Variants in SENP2 observed in about 807,000 individuals in gnomAD.
The protein encoded by SENP2 is sentrin-specific protease 2.
SENP2 carries 16 observed loss-of-function variants against 86.3 expected under a neutral mutation model. That is an observed-to-expected ratio of 0.19 (90% CI 0.13 to 0.28). The LOEUF is 0.28. Ranked by LOEUF, SENP2 falls within the 10% of genes least tolerant of loss-of-function variation. The pLI is 1.00. For missense variants in SENP2, 552 were observed against 703.0 expected, an observed-to-expected ratio of 0.79 and a Z score of 2.43; for synonymous variants, 222 against 238.7, an observed-to-expected ratio of 0.93 and a Z score of 0.64.
chr3:185,586,521 C>T lies in SENP2; in HGVS notation c.101+7C>T. ...AGAGGCGGCGCTCAGACAGGTGAGA[C>T]GAGAGGGGGCTGAGCGCCAGCCTGG... On this transcript the variant is annotated splice_region_variant and intron_variant, in intron 1 of 16. Coordinates refer to ENST00000296257, the MANE Select transcript of SENP2 (RefSeq NM_021627.3). This position sits in a 1 kb window ranked among gnomAD's most constrained non-coding sequence, Gnocchi z 4.3. The T allele has an allele frequency of 6.2e-7, 1 of 1,610,714 alleles. No individual in the cohort carries two copies. The highest frequency in any genetic ancestry group is 8.5e-7 in the Non-Finnish European group (1 of 1,178,864).
At chr3:185,603,117 G>A (rs1245773851) in intron 5 of SENP2, among the ~76,000 whole-genome samples, 1 of 151,788 alleles carries the variant, frequency 6.6e-6, no homozygotes, top group African/African-American at 2.4e-5. Flanking sequence ...TCACTATGTT[G>A]GCCAGGCTGG....
At chr3:185,592,702 C>T (rs746831917) in intron 2 of SENP2, among the ~76,000 whole-genome samples, 8 of 151,714 alleles carry the variant, frequency 5.3e-5, no homozygotes, top group East Asian at 3.9e-4. Context: ...CTGCAACCTC[C>T]GCCTCCCAGG....
At chr3:185,626,993 T>C (rs1712175971) in intron 16 of SENP2, among the ~76,000 whole-genome samples, 1 of 147,964 alleles carries the variant, frequency 6.8e-6, no homozygotes, top group Non-Finnish European at 1.5e-5. Context: ...GCAGGAGAAT[T>C]GCTTGAACCC....
chr3:185,619,515 G>A lies in SENP2; in HGVS notation c.1446+13G>A, dbSNP rs1711758161. 6.2e-7 allele frequency: 1 copy of A among 1,607,202 alleles called. No homozygotes were observed. The highest frequency in any genetic ancestry group is 8.5e-7 in the Non-Finnish European group (1 of 1,174,610). On this transcript the variant is annotated intron_variant, in intron 13 of 16. Coordinates refer to ENST00000296257, the MANE Select transcript of SENP2 (RefSeq NM_021627.3). Reference sequence around the variant, plus strand: ...TTGGAGCCTGGTGGTGAGTAGAGAGGGTTAATGGTTAATTGTTGGACTTGG... The same window carrying A: ...TTGGAGCCTGGTGGTGAGTAGAGAGAGTTAATGGTTAATTGTTGGACTTGG...
At position 185,624,051 on chromosome 3, in the gene SENP2, T is replaced by G; in HGVS notation, c.1580T>G (p.Leu527Ter). 1 of 1,613,086 alleles carries G rather than the reference T, an allele frequency of 6.2e-7. No homozygotes were observed. Among genetic ancestry groups the G allele is most frequent in the Non-Finnish European group, 8.5e-7 (1 of 1,179,514 alleles). Residue 527 changes from leucine to a stop codon, truncating the protein, a stop_gained, in exon 15 of 17, where the codon TTA (leucine) becomes TGA (stop). Coordinates refer to ENST00000296257, the MANE Select transcript of SENP2 (RefSeq NM_021627.3). LOFTEE classifies it high-confidence loss of function. Reference sequence around the variant, plus strand: ...AAAAGAAATAGTGATCTGAATCTTTTAGAGTGGACCCATCACAGCATGAAA... The same window carrying G: ...AAAAGAAATAGTGATCTGAATCTTTGAGAGTGGACCCATCACAGCATGAAA... ...KTKRNSDLNLLEWTHHSMKPH... is the reference protein window; with the variant it reads ...KTKRNSDLNL
In SENP2 at chr3:185,623,826, CAAA is replaced by C. The variant is rs63707460; in HGVS notation, c.1527-150_1527-148del. On this transcript the variant is annotated intron_variant, in intron 14 of 16. Transcript: ENST00000296257. ...TGGGCGACAGAGCGAGACTCTGTCTCAAAAAAAAAAAAAAAAAAAAAAAATCCA... is the reference window on the plus strand; with the variant it reads ...TGGGCGACAGAGCGAGACTCTGTCTCAAAAAAAAAAAAAAAAAAAAATCCA... Among the ~76,000 whole-genome samples the C allele has an allele frequency of 1.3e-4, 6 of 47,782 alleles. No individual in the cohort carries two copies. The South Asian group carries it at 7.6e-3, about 60-fold the overall frequency. 31.3% of individuals were successfully genotyped at this position (47,782 alleles called of 152,430 possible). A position where few individuals can be genotyped will look rare whatever the true frequency, so the allele number is the denominator to read the frequency against.
intron 11 of SENP2, among the ~76,000 whole-genome samples, chr3:185,616,073 G>A (rs1163798579): frequency 1.3e-5 from 2 of 151,034 alleles, no homozygotes; most frequent in African/African-American, 4.9e-5. Context: ...ATGCTGGCCA[G>A]GCTGGTCTCG....
At chr3:185,607,316 A>C (rs1300949674) in intron 6 of SENP2, among the ~76,000 whole-genome samples, 1 of 95,736 alleles carries the variant, frequency 1.0e-5, no homozygotes, top group East Asian at 3.6e-4. Context: ...ATAAGATTAG[A>C]TTCTTTTTTT....
chr3:185,616,091 G>A (rs1711590678), intron 11 of SENP2, among the ~76,000 whole-genome samples: 1 of 150,280 alleles, frequency 6.7e-6, no homozygotes, highest in Non-Finnish European at 1.5e-5. Context: ...TCGAACTCCT[G>A]ACCTCATGAT....
intron 14 of SENP2, 30 bp downstream of exon 14, chr3:185,621,935 CCT>C (rs776671554): frequency 7.1e-7 from 1 of 1,406,106 alleles, no homozygotes; most frequent in Admixed American, 1.7e-5. Context: ...CTCACTACCC[CCT>C]GTTGAGGTGA....
Position 185,629,486 on chromosome 3 carries a change from A to G in SENP2, c.1708-296A>G, listed in dbSNP as rs147886473. 1.7e-4 allele frequency among the ~76,000 whole-genome samples: 26 copies of G among 152,170 alleles called. No homozygotes were observed. The East Asian group carries it at 4.8e-3, about 28-fold the overall frequency. On this transcript the variant is annotated intron_variant, in intron 16 of 16. Coordinates refer to ENST00000296257, the MANE Select transcript of SENP2 (RefSeq NM_021627.3). The stretch of plus-strand genomic sequence containing the variant: ...CCAGCTACGCTGGAGACTGAGGGAC[A>G]AGAATCGCTCGAACCCAGGAGGCAG...
At chr3:185,619,161 C>T in intron 12 of SENP2, 138 bp from the exon 13 acceptor site, 1 of 647,080 alleles carries the variant, frequency 1.5e-6, no homozygotes, top group Non-Finnish European at 2.7e-6. Flanking sequence ...TCACTTTTTT[C>T]CCTGTCTTCT....
In SENP2 at chr3:185,614,661, C is replaced by T; in HGVS notation, c.1031C>T (p.Ser344Leu). The T allele has an allele frequency of 6.2e-7, 1 of 1,614,108 alleles. No individual in the cohort carries two copies. The highest frequency in any genetic ancestry group is 8.5e-7 in the Non-Finnish European group (1 of 1,180,022). ...GSNGLLRRKVSIIETKEKNCS... is the reference protein window; with the variant it reads ...GSNGLLRRKVLIIETKEKNCS... ...AATGGCTTACTCAGGAGGAAAGTGT[C>T]AATAATTGAGACAAAGGAAAAGAAT... The change falls in exon 11 of 17, where the codon TCA becomes TTA. Residue 344 changes from serine to leucine, a missense_variant. Transcript: ENST00000296257.
At chr3:185,591,036 C>G (rs1345953223) in intron 2 of SENP2, among the ~76,000 whole-genome samples, 3 of 146,146 alleles carry the variant, frequency 2.1e-5, no homozygotes, top group Admixed American at 1.4e-4. Context: ...TCCCGAGTAG[C>G]TGGGATTACA....
rs928698029 is a variant in SENP2 at position 185,590,277 on chromosome 3, G to C, written c.157+108G>C. The C allele has an allele frequency of 7.9e-6, 4 of 508,216 alleles. No homozygotes were observed. In the African/African-American group the frequency reaches 8.1e-5, roughly 10 times the overall value. The allele number at this position is 508,216 out of a possible 1,614,324, so 31.5% of individuals were successfully genotyped here. On this transcript the variant is annotated intron_variant, in intron 2 of 16. Coordinates refer to ENST00000296257, the MANE Select transcript of SENP2 (RefSeq NM_021627.3). ...ATCTGGTAAAAAGTAAGTCTTGGCC[G>C]GGCGCAGTGGCTGTAATCCTAGCAC...
At chr3:185,622,146 G>A (rs1711917620) in intron 14 of SENP2, among the ~76,000 whole-genome samples, 1 of 152,310 alleles carries the variant, frequency 6.6e-6, no homozygotes, top group East Asian at 1.9e-4. Context: ...CCTGTGACTT[G>A]CATTAGATTT....
At chr3:185,595,444 T>C (rs920359378) in intron 2 of SENP2, among the ~76,000 whole-genome samples, 10 of 152,190 alleles carry the variant, frequency 6.6e-5, no homozygotes, top group African/African-American at 9.6e-5. Context: ...TTGGTACTTA[T>C]AACTATTAGC....
intron 2 of SENP2, among the ~76,000 whole-genome samples, chr3:185,597,734 A>G (rs1220997742): frequency 6.7e-6 from 1 of 149,964 alleles, no homozygotes; most frequent in African/African-American, 2.5e-5. Flanking sequence ...GCTCACCACA[A>G]CCTCTGCCTC....
chr3:185,629,795 T>C lies in SENP2; in HGVS notation c.1721T>C (p.Leu574Pro). Residue 574 changes from leucine (L) to proline (P), a missense_variant, in exon 17 of 17, where the codon CTC becomes CCC. Physicochemically the swap from Leu to Pro is moderately conservative, Grantham distance 98. This residue lies in a region of SENP2 where 169 missense variants were observed against 275.7 expected (regional missense o/e 0.61). Coordinates refer to ENST00000296257, the MANE Select transcript of SENP2 (RefSeq NM_021627.3). ...PITFTQHQMP[L>P]FRKKMVWEIL... ...GGTTCTTTGCAGCACCAGATGCCTC[T>C]CTTCCGGAAGAAGATGGTGTGGGAA... 1 of 1,614,210 alleles carries C rather than the reference T, an allele frequency of 6.2e-7. No individual in the cohort carries two copies. The highest frequency in any genetic ancestry group is 1.1e-5 in the South Asian group (1 of 91,084).
Sources: allele counts gnomAD v4.1 joint callset (sites outside exome capture counted in the v4.1 genomes callset), GRCh38; gene constraint gnomAD v4.1.1; regional missense constraint gnomAD v4.1.1; non-coding constraint Gnocchi (gnomAD v3.1); transcripts MANE v1.5; gene names NCBI Gene and HGNC (gene_info 2026-07-23, HGNC 2026-07-21).